Variants in HCN1 observed in about 807,000 individuals in gnomAD.
The protein encoded by HCN1 is potassium/sodium hyperpolarization-activated cyclic nucleotide-gated channel 1.
In HCN1, 13 loss-of-function variants were observed where a neutral mutation model predicts 78.9. The ratio of observed to expected loss-of-function variants is 0.16; its 90% CI spans 0.11 to 0.26. The LOEUF (loss-of-function observed/expected upper bound fraction) is 0.26. Among genes scored for constraint, HCN1 ranks in the 10% least tolerant of loss-of-function variants. HCN1 has a pLI of 1.00. For missense variants in HCN1, 810 were observed against 1,154.3 expected, an observed-to-expected ratio of 0.70 and a Z score of 4.32; for synonymous variants, 552 against 455.5, an observed-to-expected ratio of 1.21 and a Z score of -2.70.
At chr5:45,656,876 C>T (rs909066695) in intron 1 of HCN1, among the ~76,000 whole-genome samples, 2 of 151,840 alleles carry the variant, frequency 1.3e-5, no homozygotes, top group African/African-American at 4.8e-5. Context: ...CTCATTTCTA[C>T]ATATTTAGTG....
At chr5:45,555,863 T>C (rs562460413) in intron 2 of HCN1, among the ~76,000 whole-genome samples, 94 of 151,680 alleles carry the variant, frequency 6.2e-4, no homozygotes, top group African/African-American at 2.2e-3. Context: ...AGCAGAGACA[T>C]AGAAAAATAC....
At chr5:45,373,981 C>T (rs1309551459) in intron 4 of HCN1, among the ~76,000 whole-genome samples, 1 of 96,192 alleles carries the variant, frequency 1.0e-5, no homozygotes, top group African/African-American at 5.0e-5. Flanking sequence ...ACAGTAGATA[C>T]ATAATATATA....
chr5:45,347,000 T>C (rs1032512301), intron 5 of HCN1, among the ~76,000 whole-genome samples: 4 of 152,196 alleles, frequency 2.6e-5, no homozygotes, highest in African/African-American at 9.6e-5. Context: ...TCTGACTGCT[T>C]TGAAGAGAGC....
At chr5:45,470,047 A>G (rs1402433669) in intron 2 of HCN1, among the ~76,000 whole-genome samples, 1 of 152,074 alleles carries the variant, frequency 6.6e-6, no homozygotes, top group Non-Finnish European at 1.5e-5. Context: ...GATAACAGAA[A>G]GAAAAACAGG....
At chr5:45,670,095 G>A (rs1746120423) in intron 1 of HCN1, among the ~76,000 whole-genome samples, 1 of 151,526 alleles carries the variant, frequency 6.6e-6, no homozygotes, top group Non-Finnish European at 1.5e-5. Flanking sequence ...GGAAAATGTA[G>A]TCATAGATGA....
At chr5:45,322,641 A>G (rs1746146802) in intron 5 of HCN1, among the ~76,000 whole-genome samples, 1 of 151,872 alleles carries the variant, frequency 6.6e-6, no homozygotes, top group African/African-American at 2.4e-5. Context: ...TTTTAAAATA[A>G]TTTGTAGATG....
At chr5:45,538,159 A>C (rs1192702283) in intron 2 of HCN1, among the ~76,000 whole-genome samples, 3 of 152,162 alleles carry the variant, frequency 2.0e-5, no homozygotes, top group Non-Finnish European at 4.4e-5. Context: ...ATCCAAATGA[A>C]ACTAAGAAGT....
At chr5:45,319,666 G>A (rs1240118158) in intron 5 of HCN1, among the ~76,000 whole-genome samples, 2 of 149,852 alleles carry the variant, frequency 1.3e-5, no homozygotes, top group East Asian at 3.9e-4. Flanking sequence ...ATCTTTTATT[G>A]TAATTGTTTT....
chr5:45,556,559 A>C (rs911974362), intron 2 of HCN1, among the ~76,000 whole-genome samples: 1 of 151,906 alleles, frequency 6.6e-6, no homozygotes, highest in Admixed American at 6.6e-5. Flanking sequence ...TATAACATTC[A>C]TCCTTACATT....
chr5:45,584,080 T>A (rs978595732), intron 2 of HCN1, among the ~76,000 whole-genome samples: 2 of 152,180 alleles, frequency 1.3e-5, no homozygotes, highest in South Asian at 2.1e-4. Context: ...TTCCTGGATA[T>A]CCTTGTTAAC....
At chr5:45,421,116 G>C (rs1043451191) in intron 3 of HCN1, among the ~76,000 whole-genome samples, 10 of 151,416 alleles carry the variant, frequency 6.6e-5, no homozygotes, top group African/African-American at 2.4e-4. Flanking sequence ...AGGCTGGAGT[G>C]CAGTGGTGCG....
intron 3 of HCN1, among the ~76,000 whole-genome samples, chr5:45,444,522 T>G (rs111543896): frequency 2.6e-5 from 4 of 152,280 alleles, no homozygotes; most frequent in African/African-American, 9.6e-5. Context: ...ACAAAAACCC[T>G]TAGTATGCTT....
At chr5:45,515,802 T>C (rs1742507425) in intron 2 of HCN1, among the ~76,000 whole-genome samples, 2 of 152,084 alleles carry the variant, frequency 1.3e-5, no homozygotes, top group South Asian at 4.1e-4. Context: ...ACTGGTTTCA[T>C]GACAAACATA....
intron 4 of HCN1, among the ~76,000 whole-genome samples, chr5:45,372,902 T>A (rs1747449634): frequency 1.4e-5 from 2 of 142,892 alleles, no homozygotes; most frequent in South Asian, 4.3e-4. Context: ...TATGTACGTA[T>A]TCTATACATA....
At chr5:45,675,295 G>T (rs1746247661) in intron 1 of HCN1, among the ~76,000 whole-genome samples, 1 of 151,646 alleles carries the variant, frequency 6.6e-6, no homozygotes, top group Non-Finnish European at 1.5e-5. Context: ...CATTCTGTCT[G>T]CTAGTCACAT....
chr5:45,524,966 C>T lies in HCN1; in HGVS notation c.850-62959G>A, dbSNP rs186985676. On this transcript the variant is annotated intron_variant, in intron 2 of 7. Transcript: ENST00000303230. ...TCAAAGGGAATGCTTCCAGTTTTTG[C>T]CCATTCAGTATGATATTGGCTGTGG... Among the ~76,000 whole-genome samples the T allele has an allele frequency of 2.6e-4, 39 of 152,168 alleles. No homozygotes were observed. The East Asian group carries it at 7.0e-3, about 27-fold the overall frequency.
At position 45,378,432 on chromosome 5, in the gene HCN1, G is replaced by A. The variant is rs576981577; in HGVS notation, c.1230+18060C>T. Among the ~76,000 whole-genome samples, 70 of 152,134 alleles carry A rather than the reference G, an allele frequency of 4.6e-4. No homozygotes were observed. In the South Asian group the frequency reaches 0.012, roughly 27 times the overall value. ...AGAAGTATTCCATTCTGGAGTAACC[G>A]TATATGTTCCATGTGAGTTTGAGAA... On this transcript the variant is annotated intron_variant, in intron 4 of 7. Transcript: ENST00000303230.
intron 6 of HCN1, among the ~76,000 whole-genome samples, chr5:45,285,665 C>T (rs1179256406): frequency 2.0e-5 from 3 of 151,974 alleles, no homozygotes; most frequent in African/African-American, 4.8e-5. Context: ...CAATCACCAC[C>T]AGTTTCTGTC....
Position 45,695,999 on chromosome 5 carries a change from G to A in HCN1, c.95C>T (p.Pro32Leu). 2 of 1,291,168 alleles carry A rather than the reference G, an allele frequency of 1.5e-6. No homozygotes were observed. Among genetic ancestry groups the A allele is most frequent in the South Asian group, 2.1e-5 (1 of 48,712 alleles). The allele number at this position is 1,291,168 out of a possible 1,614,324, so 80.0% of individuals were successfully genotyped here. ...PAKASATGAG[P>L]AAAEKRLGTP... The stretch of plus-strand genomic sequence containing the variant: ...GCCCAGGCGCTTCTCGGCCGCGGCC[G>A]GCCCCGCGCCCGTCGCGGACGCCTT... Residue 32 changes from proline (P) to leucine (L), a missense_variant, in exon 1 of 8, where the codon CCG becomes CTG. Transcript: ENST00000303230.
Sources: gnomAD v4.1 joint callset for allele counts (sites outside exome capture counted in the v4.1 genomes callset) on GRCh38, gnomAD v4.1.1 for gene constraint, MANE v1.5 for transcripts, NCBI Gene and HGNC (gene_info 2026-07-23, HGNC 2026-07-21) for gene names.